The following SPAG16 variants were observed in gnomAD, a reference collection of about 807,000 sequenced individuals.
The protein encoded by SPAG16 is sperm associated antigen 16, also known as sperm-associated antigen 16 protein.
SPAG16 carries 86 observed loss-of-function variants against 80.4 expected under a neutral mutation model. That is an observed-to-expected ratio of 1.07 (90% CI 0.90 to 1.28). SPAG16 has a LOEUF of 1.28. Ranked by LOEUF, SPAG16 falls within the 50% of genes most tolerant of loss-of-function variation. SPAG16 has a pLI of 0.00. For synonymous variants in SPAG16, 294 were observed against 265.9 expected (o/e 1.11, Z -1.03); for missense variants, 870 against 765.3 (o/e 1.14, Z -1.61).
intron 14 of SPAG16, among the ~76,000 whole-genome samples, chr2:214,113,585 T>G (rs1160797931): frequency 6.6e-6 from 1 of 152,230 alleles, no homozygotes; most frequent in African/African-American, 2.4e-5. Flanking sequence ...CTTCAATCAC[T>G]GATACCCTTT....
chr2:213,399,941 A>AT (rs1214779463), intron 9 of SPAG16, among the ~76,000 whole-genome samples: 4 of 151,982 alleles, frequency 2.6e-5, no homozygotes, highest in Non-Finnish European at 4.4e-5. Flanking sequence ...TATTTATCAT[A>AT]TTTTTTATTA....
In SPAG16 at chr2:214,320,031, G is replaced by A. The variant is rs1486679668; in HGVS notation, c.1721-90109G>A. Among the ~76,000 whole-genome samples the A allele has an allele frequency of 3.9e-5, 6 of 152,144 alleles. No homozygotes were observed. The East Asian group carries it at 5.8e-4, about 15-fold the overall frequency. On this transcript the variant is annotated intron_variant, in intron 15 of 15. Coordinates refer to ENST00000331683, the MANE Select transcript of SPAG16 (RefSeq NM_024532.5). ...ACAGGATACAAGCTCAGGTGAAATC[G>A]TTCTGTCAATTTCAGTAAGCTTATA...
intron 13 of SPAG16, among the ~76,000 whole-genome samples, chr2:214,032,386 T>C (rs2125055220): frequency 6.6e-6 from 1 of 152,340 alleles, no homozygotes; most frequent in East Asian, 1.9e-4. Flanking sequence ...AAATGGTGAA[T>C]CTGTTGCTGT....
At chr2:213,368,723 G>C (rs990744044) in intron 8 of SPAG16, among the ~76,000 whole-genome samples, 2 of 152,092 alleles carry the variant, frequency 1.3e-5, no homozygotes, top group African/African-American at 4.8e-5. Flanking sequence ...AAAGTCTCAG[G>C]ATACAAAATC....
At chr2:214,116,176 G>C (rs371256793) in intron 14 of SPAG16, among the ~76,000 whole-genome samples, 1 of 152,204 alleles carries the variant, frequency 6.6e-6, no homozygotes, top group African/African-American at 2.4e-5. Context: ...GCATCCAAGA[G>C]GAACCACACA....
chr2:213,887,612 A>T (rs1296295181), intron 11 of SPAG16, among the ~76,000 whole-genome samples: 1 of 151,738 alleles, frequency 6.6e-6, no homozygotes, highest in Non-Finnish European at 1.5e-5. Context: ...CTGCAGTTTA[A>T]TTTACCTTTT....
At chr2:213,811,696 G>C (rs2072162878) in intron 10 of SPAG16, among the ~76,000 whole-genome samples, 5 of 152,100 alleles carry the variant, frequency 3.3e-5, no homozygotes, top group Admixed American at 3.3e-4. Context: ...ATTCTTCCCA[G>C]CTACGGCATT....
intron 9 of SPAG16, among the ~76,000 whole-genome samples, chr2:213,410,893 G>A (rs761585256): frequency 6.6e-6 from 1 of 152,152 alleles, no homozygotes; most frequent in African/African-American, 2.4e-5. Context: ...CCTGAAGTCC[G>A]GCACCCTGCG....
chr2:213,707,703 C>A (rs1176686348), intron 10 of SPAG16, among the ~76,000 whole-genome samples: 2 of 152,004 alleles, frequency 1.3e-5, no homozygotes, highest in Non-Finnish European at 2.9e-5. Context: ...GAATGAGAGA[C>A]TATCTTGACT....
At chr2:214,147,624 T>C (rs2055725273) in intron 14 of SPAG16, among the ~76,000 whole-genome samples, 1 of 152,212 alleles carries the variant, frequency 6.6e-6, no homozygotes, top group South Asian at 2.1e-4. Context: ...AACTGTTCTT[T>C]CCTTTTCTGA....
intron 12 of SPAG16, among the ~76,000 whole-genome samples, chr2:213,973,961 A>G (rs1575694199): frequency 6.6e-6 from 1 of 152,172 alleles, no homozygotes; most frequent in Admixed American, 6.6e-5. Context: ...ATACATATCT[A>G]TTACAGCAGG....
chr2:214,161,942 A>G (rs986032709), intron 15 of SPAG16, among the ~76,000 whole-genome samples: 6 of 152,150 alleles, frequency 3.9e-5, no homozygotes, highest in African/African-American at 1.4e-4. Context: ...GCTGAAGAAT[A>G]TCAACCCTGC....
intron 10 of SPAG16, among the ~76,000 whole-genome samples, chr2:213,854,897 T>A (rs2075078730): frequency 6.6e-6 from 1 of 152,258 alleles, no homozygotes. Flanking sequence ...AACTAAAGTT[T>A]TGTTGGAACA....
intron 13 of SPAG16, among the ~76,000 whole-genome samples, chr2:214,104,135 T>G (rs2053243210): frequency 6.6e-6 from 1 of 152,168 alleles, no homozygotes; most frequent in Non-Finnish European, 1.5e-5. Flanking sequence ...AGGGTTGCTA[T>G]TCAGTCATTC....
intron 15 of SPAG16, among the ~76,000 whole-genome samples, chr2:214,347,716 T>G (rs1698148391): frequency 6.6e-6 from 1 of 152,206 alleles, no homozygotes; most frequent in Non-Finnish European, 1.5e-5. Flanking sequence ...ACTTTTTGTC[T>G]AATGGAGTAG....
intron 15 of SPAG16, among the ~76,000 whole-genome samples, chr2:214,270,846 A>C (rs529779436): frequency 1.1e-4 from 17 of 152,226 alleles, no homozygotes; most frequent in African/African-American, 7.2e-5. Flanking sequence ...GTCACAGCAC[A>C]TTTTTTATTT....
chr2:213,361,469 C>T (rs2065974502), intron 7 of SPAG16, among the ~76,000 whole-genome samples: 1 of 151,002 alleles, frequency 6.6e-6, no homozygotes, highest in African/African-American at 2.4e-5. Flanking sequence ...AGTAGTGACA[C>T]TCCACCAGTA....
At chr2:213,878,735 C>T (rs1475071743) in intron 11 of SPAG16, among the ~76,000 whole-genome samples, 1 of 151,972 alleles carries the variant, frequency 6.6e-6, no homozygotes, top group African/African-American at 2.4e-5. Flanking sequence ...GCCTAAACCA[C>T]CATCCAGAAG....
At chr2:213,413,094 C>A (rs1303405570) in intron 9 of SPAG16, among the ~76,000 whole-genome samples, 1 of 151,934 alleles carries the variant, frequency 6.6e-6, no homozygotes, top group Non-Finnish European at 1.5e-5. Context: ...ATAGTTGGTA[C>A]TATAAATGAT....
Sources: allele counts gnomAD v4.1 joint callset (sites outside exome capture counted in the v4.1 genomes callset), GRCh38; gene constraint gnomAD v4.1.1; transcripts MANE v1.5; gene names NCBI Gene and HGNC (gene_info 2026-07-23, HGNC 2026-07-21).